ADAMTS9: variants seen among roughly 807,000 people sequenced by gnomAD.
The protein encoded by ADAMTS9 is A disintegrin and metalloproteinase with thrombospondin motifs 9.
Under a neutral mutation model 257.1 loss-of-function variants are expected in ADAMTS9, and 107 were observed. The observed-to-expected ratio is 0.42, with a 90% CI of 0.36 to 0.49. ADAMTS9 has a LOEUF of 0.49. ADAMTS9 is among the 20% of genes least tolerant of loss of function. The pLI is 0.03. For missense variants in ADAMTS9, 2,353 were observed against 2,469.1 expected (o/e 0.95, Z 1.00); for synonymous variants, 982 against 880.9 (o/e 1.11, Z -2.03).
intron 3 of ADAMTS9, among the ~76,000 whole-genome samples, chr3:64,659,464 T>C (rs1190550644): frequency 1.4e-5 from 2 of 142,822 alleles, no homozygotes; most frequent in Non-Finnish European, 3.0e-5. Context: ...AGGGATACTC[T>C]GTCTCAAACA....
chr3:64,551,678 T>A (rs1435159158), intron 30 of ADAMTS9, among the ~76,000 whole-genome samples: 1 of 152,222 alleles, frequency 6.6e-6, no homozygotes, highest in Non-Finnish European at 1.5e-5. Flanking sequence ...TATTGACACT[T>A]ATGGCCAAAT....
chr3:64,596,789 C>T (rs757424733), intron 27 of ADAMTS9, 41 bp downstream of exon 27: 24 of 1,609,110 alleles, frequency 1.5e-5, no homozygotes, highest in Non-Finnish European at 2.0e-5. Context: ...GTTTGGTTAA[C>T]ACAATTCCTC....
At chr3:64,656,079 A>G (rs147091670) in intron 4 of ADAMTS9, 4 of 464,350 alleles carry the variant, frequency 8.6e-6, no homozygotes, top group African/African-American at 6.0e-5. Context: ...ATAACAGTGA[A>G]TTCAAACAAA....
intron 30 of ADAMTS9, among the ~76,000 whole-genome samples, chr3:64,556,960 C>T (rs186510635): frequency 6.6e-6 from 1 of 152,258 alleles, no homozygotes; most frequent in Admixed American, 6.5e-5. Context: ...GAACAAGCTT[C>T]CTGACCTTAA....
chr3:64,637,303 T>C lies in ADAMTS9; in HGVS notation c.1857-3424A>G, dbSNP rs182225891. Among the ~76,000 whole-genome samples, 49 of 152,284 alleles carry C rather than the reference T, an allele frequency of 3.2e-4. No individual in the cohort carries two copies. In the East Asian group the frequency reaches 7.7e-3, roughly 24 times the overall value. On this transcript the variant is annotated intron_variant, in intron 12 of 39. Transcript: ENST00000498707. The stretch of plus-strand genomic sequence containing the variant: ...GAGTATTTTTTCTAGTAGGCAAATA[T>C]TGAAAATAATAGGAAACATAGCTTT...
At chr3:64,538,858 T>C (rs919973219) in intron 37 of ADAMTS9, among the ~76,000 whole-genome samples, 1 of 152,128 alleles carries the variant, frequency 6.6e-6, no homozygotes, top group East Asian at 1.9e-4. Context: ...AGTCATTAAA[T>C]ATTTACTAGC....
chr3:64,658,515 G>A lies in ADAMTS9; in HGVS notation c.956C>T (p.Thr319Ile). Residue 319 changes from threonine (T) to isoleucine (I), a missense_variant, in exon 4 of 40, where the codon ACT becomes ATT. Coordinates refer to ENST00000498707, the MANE Select transcript of ADAMTS9 (RefSeq NM_182920.2). ...GAATGTACTTACAATTGACATTAAA[G>A]TTAAAATATAGTGTTGAAGGTTTTC... ...HGENLQHYIL[T>I]LMSIVASIYK... 6.2e-7 allele frequency: 1 copy of A among 1,611,228 alleles called. No individual in the cohort carries two copies.
chr3:64,585,899 T>G, intron 28 of ADAMTS9, among the ~76,000 whole-genome samples: 1 of 152,146 alleles, frequency 6.6e-6, no homozygotes. Context: ...TAAGCAAAAC[T>G]TGTAAATGGC....
In ADAMTS9 at chr3:64,542,128, C is replaced by T. The variant is rs73832305; in HGVS notation, c.5065-158G>A. The stretch of plus-strand genomic sequence containing the variant: ...AAAGCTGACATTTACTGAGCACTTA[C>T]TATGGGCCAGTCCCTGTGGTAAGCT... On this transcript the variant is annotated intron_variant, in intron 32 of 39. Coordinates refer to ENST00000498707, the MANE Select transcript of ADAMTS9 (RefSeq NM_182920.2). Among the ~76,000 whole-genome samples, 3,126 of 152,262 alleles carry T rather than the reference C, an allele frequency of 0.021. 101 individuals are homozygous for T. Among genetic ancestry groups the T allele is most frequent in the African/African-American group, 0.071 (2,969 of 41,540 alleles).
At chr3:64,650,502 G>GA (rs1370906544) in intron 9 of ADAMTS9, 3 of 153,922 alleles carry the variant, frequency 1.9e-5, no homozygotes, top group East Asian at 1.9e-4. Context: ...AAGGAAATGG[G>GA]AAAAAAGAGA....
intron 23 of ADAMTS9, 41 bp from the exon 24 acceptor site, chr3:64,604,372 G>C (rs766624851): frequency 7.2e-7 from 1 of 1,392,120 alleles, no homozygotes; most frequent in Non-Finnish European, 9.9e-7. Context: ...TCACTTTCAA[G>C]TCAATGCACT....
chr3:64,643,152 C>T (rs910959722), intron 11 of ADAMTS9, among the ~76,000 whole-genome samples: 1 of 152,136 alleles, frequency 6.6e-6, no homozygotes, highest in African/African-American at 2.4e-5. Context: ...ATGAAATGCG[C>T]ACTGAGGCAG....
Position 64,649,792 on chromosome 3 carries a change from CAG to C in ADAMTS9, c.1464-16_1464-15del. ...CCATAACCAGTGCTACGGAAACACA[CAG>C]AAACACACAGATGGTGAGAACGGTG... On this transcript the variant is annotated splice_polypyrimidine_tract_variant and intron_variant, in intron 9 of 39. Transcript: ENST00000498707. 1 of 1,607,446 alleles carries C rather than the reference CAG, an allele frequency of 6.2e-7. No individual in the cohort carries two copies. The highest frequency in any genetic ancestry group is 2.2e-5 in the East Asian group (1 of 44,548).
chr3:64,675,303 AC>A (rs1296669797), intron 3 of ADAMTS9, among the ~76,000 whole-genome samples: 1 of 152,276 alleles, frequency 6.6e-6, no homozygotes, highest in Middle Eastern at 3.4e-3. Flanking sequence ...CATAATACAC[AC>A]TCAGCAAATG....
chr3:64,658,418 G>T, intron 4 of ADAMTS9, 84 bp downstream of exon 4: 1 of 1,379,030 alleles, frequency 7.3e-7, no homozygotes, highest in Non-Finnish European at 9.9e-7. Context: ...GTTCTGAATG[G>T]TCCTCCAAAG....
At chr3:64,591,264 A>G (rs1440262452) in intron 28 of ADAMTS9, among the ~76,000 whole-genome samples, 1 of 152,130 alleles carries the variant, frequency 6.6e-6, no homozygotes, top group Admixed American at 6.5e-5. Flanking sequence ...ACATGGCGAA[A>G]CCCCGTCTCT....
At position 64,539,789 on chromosome 3, in the gene ADAMTS9, C is replaced by T. The variant is rs188661238; in HGVS notation, c.5522-495G>A. Among the ~76,000 whole-genome samples, 56 of 152,274 alleles carry T rather than the reference C, an allele frequency of 3.7e-4. 1 individual carries two copies. The East Asian group carries it at 8.5e-3, about 23-fold the overall frequency. On this transcript the variant is annotated intron_variant, in intron 36 of 39. Transcript: ENST00000498707. ...AGGCAGTATTATTGCCAAAATGTGGCGCAATTAGAACCCCCATCTTGAAAT... is the reference window on the plus strand; with the variant it reads ...AGGCAGTATTATTGCCAAAATGTGGTGCAATTAGAACCCCCATCTTGAAAT...
chr3:64,634,541 G>C (rs1022855535), intron 12 of ADAMTS9, among the ~76,000 whole-genome samples: 1 of 152,220 alleles, frequency 6.6e-6, no homozygotes, highest in Admixed American at 6.5e-5. Context: ...TATGGCATAC[G>C]CCTTGCAAAG....
At chr3:64,641,708 TG>T in intron 12 of ADAMTS9, 139 bp downstream of exon 12, 1 of 1,028,334 alleles carries the variant, frequency 9.7e-7, no homozygotes, top group Non-Finnish European at 1.4e-6. Context: ...TTGGGTACCG[TG>T]GGTCTAAGCA....
Sources: gnomAD v4.1 joint callset for allele counts (sites outside exome capture counted in the v4.1 genomes callset) on GRCh38, gnomAD v4.1.1 for gene constraint, MANE v1.5 for transcripts, NCBI Gene and HGNC (gene_info 2026-07-23, HGNC 2026-07-21) for gene names.